ZNF277: variants seen among roughly 807,000 people sequenced by gnomAD.
The protein encoded by ZNF277 is zinc finger protein 277.
In ZNF277, 55 loss-of-function variants were observed where a neutral mutation model predicts 60.7. The ratio of observed to expected loss-of-function variants is 0.91; its 90% CI spans 0.73 to 1.13. The LOEUF (loss-of-function observed/expected upper bound fraction) is 1.13, where lower values mean the gene tolerates loss of function less well. ZNF277 is among the 50% of genes most tolerant of loss of function. The pLI is 0.00. For synonymous variants in ZNF277, 178 were observed against 179.3 expected (o/e 0.99, Z 0.06); for missense variants, 510 against 523.0 (o/e 0.98, Z 0.24).
intron 1 of ZNF277, among the ~76,000 whole-genome samples, chr7:112,270,991 TC>T (rs1791656892): frequency 6.6e-6 from 1 of 152,124 alleles, no homozygotes; most frequent in Non-Finnish European, 1.5e-5. Flanking sequence ...TTTTCAAAGC[TC>T]CCAAGTTGAT....
chr7:112,322,575 A>G (rs1465466224), intron 5 of ZNF277, among the ~76,000 whole-genome samples: 2 of 152,052 alleles, frequency 1.3e-5, no homozygotes, highest in Non-Finnish European at 2.9e-5. Flanking sequence ...AATAATTTAT[A>G]TCTTTTTATT....
intron 4 of ZNF277, among the ~76,000 whole-genome samples, chr7:112,296,856 A>T (rs1050823256): frequency 1.4e-5 from 2 of 148,024 alleles, no homozygotes; most frequent in African/African-American, 4.9e-5. Context: ...CAAGCATGAA[A>T]ATTTTTATTT....
chr7:112,263,634 T>C (rs1245884872), intron 1 of ZNF277, among the ~76,000 whole-genome samples: 4 of 152,212 alleles, frequency 2.6e-5, no homozygotes, highest in African/African-American at 9.6e-5. Flanking sequence ...CTCAGTGTTA[T>C]ACAGTACATG....
At chr7:112,340,501 G>T (rs1466253806) in intron 10 of ZNF277, among the ~76,000 whole-genome samples, 3 of 152,188 alleles carry the variant, frequency 2.0e-5, no homozygotes, top group Non-Finnish European at 4.4e-5. Flanking sequence ...TTACTTTGCT[G>T]CTTTTATAGA....
chr7:112,336,211 A>C (rs368772074), intron 8 of ZNF277, 40 bp downstream of exon 8: 1 of 1,542,916 alleles, frequency 6.5e-7, no homozygotes, highest in Non-Finnish European at 8.8e-7. Context: ...GCAGTGTTCC[A>C]AGAGTAAGAA....
rs1057452881 is a variant in ZNF277 at position 112,318,274 on chromosome 7, G to T, written c.557+1G>T. 1 of 1,611,722 alleles carries T rather than the reference G, an allele frequency of 6.2e-7. No individual in the cohort carries two copies. Among genetic ancestry groups the T allele is most frequent in the East Asian group, 2.2e-5 (1 of 44,838 alleles). ...GCAATGAAGAATTCCTTGGAAACAG[G>T]TTTGCCATTTTGCATCTTTAAATGT... On this transcript the variant is annotated splice_donor_variant, in intron 5 of 11. Coordinates refer to ENST00000361822, the MANE Select transcript of ZNF277 (RefSeq NM_021994.3). LOFTEE classifies it high-confidence loss of function.
rs1178172343 is a variant in ZNF277 at position 112,342,693 on chromosome 7, G to A, written c.1317G>A (p.Leu439=). 6.2e-7 allele frequency: 1 copy of A among 1,607,074 alleles called. No individual in the cohort carries two copies. Among genetic ancestry groups the A allele is most frequent in the South Asian group, 1.1e-5 (1 of 90,150 alleles). Residue 439 remains leucine (L), a synonymous_variant, in exon 12 of 12, where the codon TTG becomes TTA. Transcript: ENST00000361822. Reference sequence around the variant, plus strand: ...AAGATACATCTAAACTGTATGCTTTGAAACAAAGCAGTATTTTGAACCAGT... The same window carrying A: ...AAGATACATCTAAACTGTATGCTTTAAAACAAAGCAGTATTTTGAACCAGT... The part of the protein sequence containing the change: ...ISEDTSKLYA[L]KQSSILNQLL...
chr7:112,260,996 A>C (rs1252727237), intron 1 of ZNF277, among the ~76,000 whole-genome samples: 1 of 152,212 alleles, frequency 6.6e-6, no homozygotes, highest in Admixed American at 6.5e-5. Flanking sequence ...AGAAAGAAAG[A>C]TCAGAACTCA....
At chr7:112,210,089 A>G (rs1821697308) in intron 1 of ZNF277, among the ~76,000 whole-genome samples, 1 of 152,208 alleles carries the variant, frequency 6.6e-6, no homozygotes, top group South Asian at 2.1e-4. Context: ...TGGCACATGT[A>G]TACATATGCA....
At chr7:112,254,389 T>G (rs1791261086) in intron 1 of ZNF277, among the ~76,000 whole-genome samples, 1 of 152,198 alleles carries the variant, frequency 6.6e-6, no homozygotes, top group Non-Finnish European at 1.5e-5. Context: ...TCCAGGTGAT[T>G]CAAATGTGTG....
intron 1 of ZNF277, among the ~76,000 whole-genome samples, chr7:112,250,043 AT>A (rs1274609722): frequency 1.3e-5 from 2 of 152,148 alleles, no homozygotes; most frequent in Non-Finnish European, 2.9e-5. Flanking sequence ...ACAGAGCCAT[AT>A]TTCTCTTCTT....
intron 1 of ZNF277, among the ~76,000 whole-genome samples, chr7:112,264,227 C>A (rs1791497155): frequency 6.6e-6 from 1 of 151,320 alleles, no homozygotes; most frequent in Admixed American, 6.6e-5. Flanking sequence ...TACTAATATT[C>A]AAAACCCGTT....
chr7:112,313,660 A>C (rs1351608073), intron 4 of ZNF277, among the ~76,000 whole-genome samples: 1 of 152,166 alleles, frequency 6.6e-6, no homozygotes, highest in African/African-American at 2.4e-5. Context: ...AAAAATCATA[A>C]TCAACAGTAA....
chr7:112,288,951 T>TAAAAAAAAAA (rs759044500), intron 2 of ZNF277: 8 of 70,386 alleles, frequency 1.1e-4, no homozygotes, highest in Admixed American at 2.1e-4. Context: ...CTGCCTTTCT[T>TAAAAAAAAAA]AAAAAAAAAA....
chr7:112,221,722 T>C (rs1011117240), intron 1 of ZNF277, among the ~76,000 whole-genome samples: 4 of 152,032 alleles, frequency 2.6e-5, no homozygotes, highest in Non-Finnish European at 5.9e-5. Context: ...GGGTTCACAC[T>C]CCTATGAGAG....
At chr7:112,213,606 G>A (rs893259385) in intron 1 of ZNF277, among the ~76,000 whole-genome samples, 4 of 152,024 alleles carry the variant, frequency 2.6e-5, no homozygotes, top group Admixed American at 2.0e-4. Context: ...GTCATATTAC[G>A]CTTTTTATGT....
chr7:112,216,243 A>G (rs892295657), intron 1 of ZNF277, among the ~76,000 whole-genome samples: 5 of 152,254 alleles, frequency 3.3e-5, no homozygotes, highest in African/African-American at 1.2e-4. Context: ...TAGACAGTAC[A>G]GCTTTGCAAA....
chr7:112,208,775 G>C (rs1821654064), intron 1 of ZNF277, among the ~76,000 whole-genome samples: 1 of 137,714 alleles, frequency 7.3e-6, no homozygotes, highest in African/African-American at 2.7e-5. Context: ...CCGCCTCCCA[G>C]GTTCACGCCA....
Position 112,289,768 on chromosome 7 carries a change from T to A in ZNF277, c.293+2694T>A, listed in dbSNP as rs117520523. On this transcript the variant is annotated intron_variant, in intron 2 of 11. Transcript: ENST00000361822. ...AACCTTTATTTTTCTTTTTGAGTCCTGGCTGGAGTGCAGTGGCACGACCTT... is the reference window on the plus strand; with the variant it reads ...AACCTTTATTTTTCTTTTTGAGTCCAGGCTGGAGTGCAGTGGCACGACCTT... Among the ~76,000 whole-genome samples, 706 of 152,300 alleles carry A rather than the reference T, an allele frequency of 4.6e-3. 6 individuals are homozygous for A. The highest frequency in any genetic ancestry group is 8.7e-3 in the Admixed American group (133 of 15,300).
Sources: allele counts gnomAD v4.1 joint callset (sites outside exome capture counted in the v4.1 genomes callset), GRCh38; gene constraint gnomAD v4.1.1; transcripts MANE v1.5; gene names NCBI Gene and HGNC (gene_info 2026-07-23, HGNC 2026-07-21).